PSEN2: variants seen among roughly 807,000 people sequenced by gnomAD.
The protein encoded by PSEN2 is presenilin 2, also known as presenilin-2.
A neutral mutation model predicts 49.1 loss-of-function variants in PSEN2; 32 were observed. That is an observed-to-expected ratio of 0.65 (90% CI 0.49 to 0.88). The LOEUF (loss-of-function observed/expected upper bound fraction) is 0.88, where lower values mean the gene tolerates loss of function less well. Ranked by LOEUF, PSEN2 falls within the 40% of genes least tolerant of loss-of-function variation. PSEN2 has a pLI of 0.00. For missense variants in PSEN2, 522 were observed against 586.9 expected, an observed-to-expected ratio of 0.89 and a Z score of 1.14; for synonymous variants, 255 against 244.0, an observed-to-expected ratio of 1.05 and a Z score of -0.42.
At chr1:226,871,052 G>A (rs1321372990) in intron 1 of PSEN2, 1 of 152,312 alleles carries the variant, frequency 6.6e-6, no homozygotes, top group East Asian at 1.9e-4. Flanking sequence ...GGTCTCTGAG[G>A]CGTGTAGCAG....
downstream of PSEN2, among the ~76,000 whole-genome samples, chr1:226,896,987 C>CCCCAGGCTGT (rs1312066815): frequency 6.6e-6 from 1 of 152,150 alleles, no homozygotes; most frequent in Non-Finnish European, 1.5e-5. Flanking sequence ...GCTTGCTTTC[C>CCCCAGGCTGT]CCCAGGCTGT....
Position 226,895,605 on chromosome 1 carries a change from A to G in PSEN2, c.*26A>G, listed in dbSNP as rs769663194. 1.2e-5 allele frequency: 19 copies of G among 1,600,574 alleles called. No homozygotes were observed. Among genetic ancestry groups the G allele is most frequent in the South Asian group, 3.4e-5 (3 of 88,908 alleles). On this transcript the variant is annotated 3_prime_UTR_variant, in exon 13 of 13. Coordinates refer to ENST00000366783, the MANE Select transcript of PSEN2 (RefSeq NM_000447.3). ...GGGACATGGTGTGCCACAGGCTGCA[A>G]GCTGCAGGGAATTTTCATTGGATGC... is the stretch of plus-strand genomic sequence containing the variant.
intron 8 of PSEN2, among the ~76,000 whole-genome samples, chr1:226,889,537 A>G (rs893112052): frequency 6.6e-6 from 1 of 152,174 alleles, no homozygotes; most frequent in Non-Finnish European, 1.5e-5. Flanking sequence ...AGCCTCCCAA[A>G]GTACTGGGAT....
intron 6 of PSEN2, among the ~76,000 whole-genome samples, chr1:226,886,872 C>T (rs1472572906): frequency 6.6e-6 from 1 of 152,176 alleles, no homozygotes; most frequent in Non-Finnish European, 1.5e-5. Context: ...GAGACTGAGG[C>T]AGGAGGATCG....
chr1:226,891,804 G>C lies in PSEN2; in HGVS notation c.1032G>C (p.Leu344Phe). Residue 344 changes from leucine to phenylalanine, a missense_variant, in exon 11 of 13, where the codon TTG (leucine) becomes TTC (phenylalanine). Coordinates refer to ENST00000366783, the MANE Select transcript of PSEN2 (RefSeq NM_000447.3). The part of the protein sequence containing the change: ...PSYPEVFEPP[L>F]TGYPGEELEE... ...ACCCCGAAGTCTTTGAGCCTCCCTT[G>C]ACTGGCTACCCAGGGGAGGAGCTGG... The C allele has an allele frequency of 1.2e-6, 2 of 1,614,124 alleles. No homozygotes were observed. The highest frequency in any genetic ancestry group is 1.7e-6 in the Non-Finnish European group (2 of 1,180,010).
chr1:226,883,926 TGGG>T lies in PSEN2; in HGVS notation c.356+11_356+13del, dbSNP rs781669984. The T allele has an allele frequency of 1.0e-4, 67 of 663,646 alleles. No individual in the cohort carries two copies. The highest frequency in any genetic ancestry group is 1.2e-4 in the Non-Finnish European group (64 of 512,822). 41.1% of individuals were successfully genotyped at this position (663,646 alleles called of 1,614,324 possible). On this transcript the variant is annotated splice_region_variant and intron_variant, in intron 5 of 12. Transcript: ENST00000366783. ...CAGAGAAGAATGGACAGCTGTGAGT[TGGG>T]GGGCTGGGGGGAGCAGGGTGGGGTG...
intron 2 of PSEN2, among the ~76,000 whole-genome samples, chr1:226,872,195 G>A (rs1660344873): frequency 2.6e-5 from 4 of 151,592 alleles, no homozygotes; most frequent in Non-Finnish European, 1.5e-5. Context: ...TCTCCCCTCC[G>A]TAGCTGCTCA....
intron 3 of PSEN2, chr1:226,880,402 T>G: frequency 1.3e-5 from 11 of 828,216 alleles, no homozygotes; most frequent in Non-Finnish European, 1.4e-5. Flanking sequence ...AAAAATCACA[T>G]ATATTGTGGG....
chr1:226,895,311 C>T (rs1459116279), intron 12 of PSEN2, 113 bp from the exon 13 acceptor site: 8 of 1,232,068 alleles, frequency 6.5e-6, no homozygotes, highest in African/African-American at 1.5e-5. Context: ...TGTCTAGCGC[C>T]GTTATCCGAC....
intron 3 of PSEN2, among the ~76,000 whole-genome samples, chr1:226,877,245 T>A (rs1406130249): frequency 6.6e-6 from 1 of 152,006 alleles, no homozygotes; most frequent in Admixed American, 6.6e-5. Context: ...TGACACTGGG[T>A]GAGGATGGAG....
chr1:226,873,733 C>T (rs921643445), intron 2 of PSEN2, among the ~76,000 whole-genome samples: 2 of 152,192 alleles, frequency 1.3e-5, no homozygotes, highest in Non-Finnish European at 2.9e-5. Context: ...CCACTCTTAA[C>T]ATGCATTTCC....
chr1:226,903,484 C>T (rs1386980967), intron 12 of PSEN2: 2 of 152,236 alleles, frequency 1.3e-5, no homozygotes, highest in Non-Finnish European at 2.9e-5. Context: ...ATTAACCAAA[C>T]TTCCCTCCTT....
chr1:226,901,140 C>T (rs115141939), downstream of PSEN2, among the ~76,000 whole-genome samples: 551 of 152,198 alleles, frequency 3.6e-3, 3 homozygotes, highest in African/African-American at 0.013. Context: ...CGAGGCCACT[C>T]AAAACACCCA....
intron 3 of PSEN2, chr1:226,880,765 C>G: frequency 6.2e-7 from 1 of 1,612,030 alleles, no homozygotes; most frequent in East Asian, 2.2e-5. Flanking sequence ...TGTGAAACCC[C>G]ACTTGGCACT....
intron 5 of PSEN2, 38 bp downstream of exon 5, chr1:226,883,957 G>A (rs1295229219): frequency 5.2e-6 from 7 of 1,351,248 alleles, no homozygotes; most frequent in African/African-American, 1.5e-5. Flanking sequence ...GTGGGGTGAG[G>A]GCTGAGTTGC....
At chr1:226,900,371 C>T (rs1214335366), downstream of PSEN2, among the ~76,000 whole-genome samples, 5 of 152,202 alleles carry the variant, frequency 3.3e-5, no homozygotes, top group Non-Finnish European at 7.3e-5. Context: ...CCCCTGCCCC[C>T]TCTGTGGACA....
rs1289418102 is a variant in PSEN2, at chr1:226,894,004, CAG to C, written c.1073-2_1073-1del. On this transcript the variant is annotated splice_acceptor_variant, in intron 11 of 12. Coordinates refer to ENST00000366783, the MANE Select transcript of PSEN2 (RefSeq NM_000447.3). LOFTEE classifies it high-confidence loss of function. ...GTACGGGTTACTGTCTCTCCTCACA[CAG>C]GGGGCGTGAAGCTTGGCCTCGGGGA... is the stretch of plus-strand genomic sequence containing the variant. 9.3e-6 allele frequency: 15 copies of C among 1,611,786 alleles called. No individual in the cohort carries two copies. Among genetic ancestry groups the C allele is most frequent in the African/African-American group, 1.3e-5 (1 of 74,900 alleles).
rs545839923 is a variant in PSEN2, at chr1:226,880,827, G to T, written c.-20-1061G>T. 10 of 1,565,056 alleles carry T rather than the reference G, an allele frequency of 6.4e-6. No homozygotes were observed. In the African/African-American group the frequency reaches 1.2e-4, roughly 19 times the overall value. On this transcript the variant is annotated intron_variant, in intron 3 of 12. Coordinates refer to ENST00000366783, the MANE Select transcript of PSEN2 (RefSeq NM_000447.3). Reference sequence around the variant, plus strand: ...TCCCCTTGGCCTTGGCCTTCCCCTGGGTCCCGCCCTCAGTGGCACTTCCCC... The same window carrying T: ...TCCCCTTGGCCTTGGCCTTCCCCTGTGTCCCGCCCTCAGTGGCACTTCCCC...
chr1:226,873,106 G>A (rs1047845031), intron 2 of PSEN2, among the ~76,000 whole-genome samples: 1 of 152,042 alleles, frequency 6.6e-6, no homozygotes, highest in African/African-American at 2.4e-5. Flanking sequence ...GAACCCAGGA[G>A]GCGGAGGTTG....
Sources: gnomAD v4.1 joint callset for allele counts (sites outside exome capture counted in the v4.1 genomes callset) on GRCh38, gnomAD v4.1.1 for gene constraint, MANE v1.5 for transcripts, NCBI Gene and HGNC (gene_info 2026-07-23, HGNC 2026-07-21) for gene names.